Variants in MEF2A observed in about 807,000 individuals in gnomAD.
The protein encoded by MEF2A is myocyte-specific enhancer factor 2A.
In MEF2A, 28 loss-of-function variants were observed where a neutral mutation model predicts 55.8. The observed-to-expected ratio is 0.50, with a 90% CI of 0.37 to 0.69. The LOEUF (loss-of-function observed/expected upper bound fraction) is 0.69. Ranked by LOEUF, MEF2A falls within the 30% of genes least tolerant of loss-of-function variation. MEF2A has a pLI of 0.00. For synonymous variants in MEF2A, 239 were observed against 227.1 expected, an observed-to-expected ratio of 1.05 and a Z score of -0.47; for missense variants, 528 against 626.2, an observed-to-expected ratio of 0.84 and a Z score of 1.67.
intron 4 of MEF2A, among the ~76,000 whole-genome samples, chr15:99,659,472 C>T (rs913175829): frequency 2.0e-5 from 3 of 152,166 alleles, no homozygotes; most frequent in African/African-American, 7.2e-5. Context: ...ACAACCACCA[C>T]ATACACAGTA....
At chr15:99,592,091 G>T (rs1321061136) in intron 1 of MEF2A, among the ~76,000 whole-genome samples, 1 of 151,934 alleles carries the variant, frequency 6.6e-6, no homozygotes, top group African/African-American at 2.4e-5. Context: ...TTTTGTTTTG[G>T]CAGACTGATA....
rs2058739663 is a variant in MEF2A at position 99,712,412 on chromosome 15, G to T, written c.1159G>T (p.Gly387Cys). The change falls in exon 12 of 12, where the codon GGT becomes TGT. Residue 387 changes from glycine (G) to cysteine (C), a missense_variant. Physicochemically the swap from Gly to Cys is radical, Grantham distance 159. This residue lies in a region of MEF2A where 450 missense variants were observed against 475.3 expected (regional missense o/e 0.95). Coordinates refer to ENST00000557942, the MANE Select transcript of MEF2A (RefSeq NM_001319206.4). This position sits in a 1 kb window ranked among gnomAD's most constrained non-coding sequence, Gnocchi z 4.1. ...SLVAGGQLSQ[G>C]SNLSINTNQN... The stretch of plus-strand genomic sequence containing the variant: ...CAGTGCTGGAGGGCAGTTATCTCAG[G>T]GTTCCAATTTATCCATTAATACCAA... 3.9e-6 allele frequency: 6 copies of T among 1,540,068 alleles called. No homozygotes were observed. The highest frequency in any genetic ancestry group is 5.3e-6 in the Non-Finnish European group (6 of 1,137,650).
intron 4 of MEF2A, among the ~76,000 whole-genome samples, chr15:99,653,130 A>G (rs1490550492): frequency 6.6e-6 from 1 of 152,226 alleles, no homozygotes; most frequent in East Asian, 1.9e-4. Flanking sequence ...TTTAGGGCAG[A>G]AGATACTAGG....
chr15:99,705,918 G>A (rs1041574703), intron 9 of MEF2A, among the ~76,000 whole-genome samples: 10 of 152,188 alleles, frequency 6.6e-5, no homozygotes, highest in Non-Finnish European at 8.8e-5. Flanking sequence ...TTCAAAAACC[G>A]TTACCTTAAG....
chr15:99,712,746 T>C lies in MEF2A; in HGVS notation c.1493T>C (p.Met498Thr). ...EDRESPSVKR[M>T]RMDAWVT Reference sequence around the variant, plus strand: ...AGAGAAAGCCCTTCTGTAAAGCGAATGAGGATGGACGCGTGGGTGACCTAA... The same window carrying C: ...AGAGAAAGCCCTTCTGTAAAGCGAACGAGGATGGACGCGTGGGTGACCTAA... Residue 498 changes from methionine to threonine, a missense_variant, in exon 12 of 12, where the codon ATG becomes ACG. Coordinates refer to ENST00000557942, the MANE Select transcript of MEF2A (RefSeq NM_001319206.4). This position sits in a 1 kb window ranked among gnomAD's most constrained non-coding sequence, Gnocchi z 4.1. 3 of 1,560,864 alleles carry C rather than the reference T, an allele frequency of 1.9e-6. No homozygotes were observed. The highest frequency in any genetic ancestry group is 2.6e-6 in the Non-Finnish European group (3 of 1,152,240).
chr15:99,681,952 G>A (rs1405041463), intron 7 of MEF2A: 1 of 152,142 alleles, frequency 6.6e-6, no homozygotes, highest in Non-Finnish European at 1.5e-5. Flanking sequence ...CTGTTAGAAT[G>A]TATTTTTGTT....
At chr15:99,696,758 A>C (rs558540068) in intron 8 of MEF2A, among the ~76,000 whole-genome samples, 1 of 152,118 alleles carries the variant, frequency 6.6e-6, no homozygotes, top group South Asian at 2.1e-4. Context: ...AATTCTACAC[A>C]GTCTCTTTCA....
intron 2 of MEF2A, among the ~76,000 whole-genome samples, chr15:99,612,424 A>G (rs910880887): frequency 1.3e-5 from 2 of 152,146 alleles, no homozygotes; most frequent in African/African-American, 4.8e-5. Flanking sequence ...TCAAAAAAAC[A>G]AACAAAACAC....
At chr15:99,632,664 A>G (rs1342445261) in intron 2 of MEF2A, among the ~76,000 whole-genome samples, 1 of 152,202 alleles carries the variant, frequency 6.6e-6, no homozygotes, top group Non-Finnish European at 1.5e-5. Flanking sequence ...AGACATGTCC[A>G]TGCTTAGGAA....
chr15:99,699,343 A>G (rs555367839), intron 8 of MEF2A, among the ~76,000 whole-genome samples: 6 of 152,366 alleles, frequency 3.9e-5, no homozygotes, highest in East Asian at 1.9e-4. Flanking sequence ...GATTCCATTT[A>G]TATTTCATTC....
chr15:99,704,675 T>C (rs912983985), intron 9 of MEF2A, among the ~76,000 whole-genome samples: 2 of 152,208 alleles, frequency 1.3e-5, no homozygotes, highest in African/African-American at 4.8e-5. Flanking sequence ...TGCCAGGAGA[T>C]TGCATGAAGA....
At chr15:99,686,740 T>C (rs2153699793) in intron 7 of MEF2A, among the ~76,000 whole-genome samples, 1 of 152,296 alleles carries the variant, frequency 6.6e-6, no homozygotes, top group East Asian at 1.9e-4. Flanking sequence ...CTTTGAGCTT[T>C]TTGTATTTGG....
intron 5 of MEF2A, 86 bp downstream of exon 5, chr15:99,671,540 C>T: frequency 1.2e-6 from 2 of 1,613,646 alleles, no homozygotes; most frequent in Non-Finnish European, 1.7e-6. Flanking sequence ...AGAAGGAACA[C>T]AGAGGGTGCG....
chr15:99,671,251 T>A lies in MEF2A; in HGVS notation c.259-72T>A, dbSNP rs932617177. On this transcript the variant is annotated intron_variant, in intron 4 of 11. Coordinates refer to ENST00000557942, the MANE Select transcript of MEF2A (RefSeq NM_001319206.4). The stretch of plus-strand genomic sequence containing the variant: ...TTCAGTTCATTCCGTCTGTGCTCTC[T>A]TAATAAATTTTACAGAAAAACTCAT... The A allele has an allele frequency of 2.1e-5, 32 of 1,535,054 alleles. 1 individual carries two copies. The South Asian group carries it at 3.1e-4, about 15-fold the overall frequency.
At chr15:99,687,084 C>CTT (rs71149484) in intron 7 of MEF2A, among the ~76,000 whole-genome samples, 879 of 67,736 alleles carry the variant, frequency 0.013, 64 homozygotes, top group East Asian at 0.021. Flanking sequence ...ATTAATTTTT[C>CTT]TTTTTTTTTT....
intron 7 of MEF2A, among the ~76,000 whole-genome samples, chr15:99,682,158 T>G (rs2053369276): frequency 6.6e-6 from 1 of 152,208 alleles, no homozygotes. Context: ...GGACACAGAG[T>G]ACTTGCCAGC....
chr15:99,679,895 T>C (rs1395171830), intron 7 of MEF2A, among the ~76,000 whole-genome samples: 2 of 152,238 alleles, frequency 1.3e-5, no homozygotes, highest in Non-Finnish European at 2.9e-5. Context: ...TTTATACTAT[T>C]CCAAAATTCA....
rs113553533 is a variant in MEF2A, at chr15:99,647,440, C to G, written c.258+1676C>G. Among the ~76,000 whole-genome samples, 336 of 152,294 alleles carry G rather than the reference C, an allele frequency of 2.2e-3. 3 individuals are homozygous for G. The highest frequency in any genetic ancestry group is 7.8e-3 in the African/African-American group (325 of 41,562). On this transcript the variant is annotated intron_variant, in intron 4 of 11. Transcript: ENST00000557942. ...GAGGCAACCACCTCCTTAACCCTAACTACACTGCTCTTTCATTGCAGCAGT... is the reference window on the plus strand; with the variant it reads ...GAGGCAACCACCTCCTTAACCCTAAGTACACTGCTCTTTCATTGCAGCAGT...
At chr15:99,711,393 G>C (rs1241085497) in intron 11 of MEF2A, among the ~76,000 whole-genome samples, 1 of 152,240 alleles carries the variant, frequency 6.6e-6, no homozygotes, top group Non-Finnish European at 1.5e-5. Flanking sequence ...CGTATGGGCA[G>C]GGTGTAAGGA....
Sources: gnomAD v4.1 joint callset for allele counts (sites outside exome capture counted in the v4.1 genomes callset) on GRCh38, gnomAD v4.1.1 for gene constraint, gnomAD v4.1.1 regional missense constraint, Gnocchi (gnomAD v3.1) non-coding constraint, MANE v1.5 for transcripts, NCBI Gene and HGNC (gene_info 2026-07-23, HGNC 2026-07-21) for gene names.